Variants in RBFOX1 observed in about 807,000 individuals in gnomAD.
RBFOX1 encodes RNA binding fox-1 homolog 1.
A neutral mutation model predicts 57.7 loss-of-function variants in RBFOX1; 8 were observed. The observed-to-expected ratio is 0.14, with a 90% CI of 0.08 to 0.25. The LOEUF (loss-of-function observed/expected upper bound fraction) is 0.25. Ranked by LOEUF, RBFOX1 falls within the 10% of genes least tolerant of loss-of-function variation. RBFOX1 has a pLI of 1.00. For synonymous variants in RBFOX1, 326 were observed against 222.4 expected (o/e 1.47, Z -4.15); for missense variants, 611 against 548.5 (o/e 1.11, Z -1.14).
At chr16:7,036,603 G>T (rs1467694271) in intron 3 of RBFOX1, among the ~76,000 whole-genome samples, 7 of 151,912 alleles carry the variant, frequency 4.6e-5, no homozygotes, top group African/African-American at 1.7e-4. Context: ...TGAGGCTGGA[G>T]AATCGCTTGA....
intron 3 of RBFOX1, among the ~76,000 whole-genome samples, chr16:5,626,406 G>T (rs2048351920): frequency 6.6e-6 from 1 of 152,116 alleles, no homozygotes; most frequent in South Asian, 2.1e-4. Context: ...AGTCAGGTTG[G>T]ACTGGGACTC....
chr16:6,808,539 C>T (rs1009040634), intron 3 of RBFOX1, among the ~76,000 whole-genome samples: 11 of 152,200 alleles, frequency 7.2e-5, no homozygotes, highest in African/African-American at 2.4e-4. Context: ...GACAGGTTTG[C>T]ATACTCAACA....
rs145615513 is a variant in RBFOX1, at chr16:5,821,127, C to T, written c.319-46176C>T. On this transcript the variant is annotated intron_variant, in intron 3 of 19. Transcript: ENST00000641259. ...ATCAGGACCAAACTCATTGCTCAGG[C>T]AGGACAAAGGCTCTCTGCTGCAGAC... Among the ~76,000 whole-genome samples, 21 of 152,186 alleles carry T rather than the reference C, an allele frequency of 1.4e-4. No individual in the cohort carries two copies. In the East Asian group the frequency reaches 4.1e-3, roughly 29 times the overall value.
At chr16:5,371,296 A>T (rs887765516) in intron 1 of RBFOX1, among the ~76,000 whole-genome samples, 1 of 152,152 alleles carries the variant, frequency 6.6e-6, no homozygotes, top group Non-Finnish European at 1.5e-5. Context: ...GGCCCTTAAG[A>T]AGGGCCCTCA....
At chr16:7,317,761 G>A (rs997115692) in intron 4 of RBFOX1, among the ~76,000 whole-genome samples, 1 of 152,184 alleles carries the variant, frequency 6.6e-6, no homozygotes, top group African/African-American at 2.4e-5. Context: ...AATCTTATGG[G>A]CCTCCAACTA....
intron 14 of RBFOX1, among the ~76,000 whole-genome samples, 168 bp downstream of exon 14, chr16:7,677,006 G>A (rs560669261): frequency 9.9e-5 from 15 of 152,102 alleles, no homozygotes; most frequent in African/African-American, 3.1e-4. Context: ...TAGAGAGAGG[G>A]CAAATGCTTC....
At chr16:6,840,844 C>T (rs904836567) in intron 3 of RBFOX1, among the ~76,000 whole-genome samples, 1 of 148,174 alleles carries the variant, frequency 6.7e-6, no homozygotes, top group African/African-American at 2.5e-5. Context: ...CTGAGATCGT[C>T]CCATTGTACT....
At chr16:6,800,730 C>T (rs1228564330) in intron 3 of RBFOX1, among the ~76,000 whole-genome samples, 1 of 152,036 alleles carries the variant, frequency 6.6e-6, no homozygotes, top group Non-Finnish European at 1.5e-5. Context: ...CTCCTTTTAT[C>T]TTTTAGATAA....
At chr16:5,839,840 T>C (rs1351686553) in intron 3 of RBFOX1, among the ~76,000 whole-genome samples, 5 of 152,212 alleles carry the variant, frequency 3.3e-5, no homozygotes, top group African/African-American at 4.8e-5. Flanking sequence ...TCTGAGAAGA[T>C]GCCCTCACCA....
chr16:7,082,927 A>C (rs2059423049), intron 4 of RBFOX1, among the ~76,000 whole-genome samples: 1 of 152,200 alleles, frequency 6.6e-6, no homozygotes, highest in Non-Finnish European at 1.5e-5. Flanking sequence ...AAGAGTTGTA[A>C]ATGTTTCCAC....
chr16:6,291,561 T>C (rs370497643), intron 1 of RBFOX1, among the ~76,000 whole-genome samples: 25 of 152,316 alleles, frequency 1.6e-4, no homozygotes, highest in African/African-American at 5.1e-4. Context: ...TCTTCCTCGG[T>C]GTAATGGCTA....
chr16:7,554,427 G>A (rs931321782), intron 5 of RBFOX1, among the ~76,000 whole-genome samples: 8 of 152,172 alleles, frequency 5.3e-5, no homozygotes, highest in Non-Finnish European at 1.0e-4. Context: ...ACATACTCAA[G>A]GTTGCACTGC....
intron 15 of RBFOX1, chr16:7,709,662 T>G (rs1388093702): frequency 6.6e-7 from 1 of 1,513,662 alleles, no homozygotes; most frequent in South Asian, 1.2e-5. Flanking sequence ...ACTTTGTGTG[T>G]GTACCTAGTA....
At chr16:5,679,203 A>T (rs1027910949) in intron 3 of RBFOX1, among the ~76,000 whole-genome samples, 23 of 152,212 alleles carry the variant, frequency 1.5e-4, no homozygotes, top group Non-Finnish European at 2.9e-4. Context: ...GCAAGGGCGC[A>T]TCTTCATTTA....
intron 1 of RBFOX1, among the ~76,000 whole-genome samples, chr16:6,112,735 A>T (rs774216011): frequency 3.3e-5 from 5 of 152,300 alleles, no homozygotes; most frequent in Non-Finnish European, 4.4e-5. Context: ...GATGGAGTGG[A>T]ATCGTTTTCA....
intron 4 of RBFOX1, among the ~76,000 whole-genome samples, chr16:7,094,246 A>G (rs934032874): frequency 1.1e-4 from 16 of 152,236 alleles, no homozygotes; most frequent in African/African-American, 3.9e-4. Flanking sequence ...TCAGAGAAGA[A>G]CAAATTGAAA....
At chr16:6,091,989 A>C (rs1248073272) in intron 1 of RBFOX1, among the ~76,000 whole-genome samples, 2 of 151,998 alleles carry the variant, frequency 1.3e-5, no homozygotes, top group Non-Finnish European at 2.9e-5. Flanking sequence ...CCATTCATCC[A>C]CTCATTCCTC....
chr16:6,888,151 A>G (rs1273963680), intron 3 of RBFOX1, among the ~76,000 whole-genome samples: 2 of 152,156 alleles, frequency 1.3e-5, no homozygotes, highest in Non-Finnish European at 2.9e-5. Flanking sequence ...GGATTTAAGA[A>G]CAGTAGGCAG....
intron 4 of RBFOX1, among the ~76,000 whole-genome samples, chr16:7,084,125 T>C (rs1003259711): frequency 1.3e-5 from 2 of 152,162 alleles, no homozygotes; most frequent in Non-Finnish European, 2.9e-5. Context: ...AGACCTGGTA[T>C]AATACAATCA....
Sources: gnomAD v4.1 joint callset for allele counts (sites outside exome capture counted in the v4.1 genomes callset) on GRCh38, gnomAD v4.1.1 for gene constraint, MANE v1.5 for transcripts, NCBI Gene and HGNC (gene_info 2026-07-23, HGNC 2026-07-21) for gene names.